SHROOM4: variants seen among roughly 807,000 people sequenced by gnomAD.
The protein encoded by SHROOM4 is shroom family member 4, also known as protein Shroom4.
Under a neutral mutation model 80.3 loss-of-function variants are expected in SHROOM4, and 17 were observed. That is an observed-to-expected ratio of 0.21 (90% CI 0.14 to 0.32). The LOEUF is 0.32. Ranked by LOEUF, SHROOM4 falls within the 10% of genes least tolerant of loss-of-function variation. SHROOM4 has a pLI of 1.00. For synonymous variants in SHROOM4, 400 were observed against 437.5 expected (o/e 0.91, Z 1.07); for missense variants, 993 against 1,140.3 (o/e 0.87, Z 1.86).
At chrX:50,618,345 TTCC>T (rs1930380527) in intron 5 of SHROOM4, among the ~76,000 whole-genome samples, 1 of 10,330 alleles carries the variant, frequency 9.7e-5, no homozygotes, top group African/African-American at 5.5e-4. Context: ...CCTTCCTTCC[TTCC>T]TTCCTTCCTT....
At chrX:50,695,552 T>A (rs1401472497) in intron 2 of SHROOM4, among the ~76,000 whole-genome samples, 1 of 112,237 alleles carries the variant, frequency 8.9e-6, no homozygotes, top group African/African-American at 3.2e-5. Context: ...AAGGAAACAG[T>A]CTTGCAGAGG....
intron 1 of SHROOM4, among the ~76,000 whole-genome samples, chrX:50,786,441 C>A (rs1164235560): frequency 8.9e-6 from 1 of 111,980 alleles, no homozygotes; most frequent in Admixed American, 9.4e-5. Flanking sequence ...GTGTCCCGTG[C>A]TCCAACCTTT....
rs1929680389 is a variant in SHROOM4 at position 50,606,571 on chromosome X, G to A, written c.3761+810C>T. 2.8e-5 allele frequency among the ~76,000 whole-genome samples: 3 copies of A among 108,284 alleles called. No individual in the cohort carries two copies. The Admixed American group carries it at 2.9e-4, about 11-fold the overall frequency. 94.0% of individuals were successfully genotyped at this position (108,284 alleles called of 115,157 possible). ...TAGCAATGATGGTCCTGGGGCTTTT[G>A]CTTTGGAGCAAAAGAAATTAAAAAA... On this transcript the variant is annotated intron_variant, in intron 6 of 8. Coordinates refer to ENST00000376020, the MANE Select transcript of SHROOM4 (RefSeq NM_020717.5).
chrX:50,681,463 G>A (rs1026304660), intron 2 of SHROOM4, among the ~76,000 whole-genome samples: 4 of 110,966 alleles, frequency 3.6e-5, no homozygotes, highest in Admixed American at 2.9e-4. Context: ...AAGAGCTCTT[G>A]TACTTGATAT....
At chrX:50,708,795 TG>T (rs1222375638) in intron 1 of SHROOM4, among the ~76,000 whole-genome samples, 1 of 111,345 alleles carries the variant, frequency 9.0e-6, no homozygotes, top group East Asian at 2.8e-4. Context: ...CCAGGAAGAA[TG>T]GTTTAATATG....
intron 1 of SHROOM4, among the ~76,000 whole-genome samples, chrX:50,704,432 C>A (rs138273360): frequency 0.043 from 4,840 of 111,486 alleles, 279 homozygotes; most frequent in African/African-American, 0.15. Context: ...TTTTAACTTG[C>A]CTACTGAATG....
chrX:50,799,399 A>T (rs142090994), intron 1 of SHROOM4, among the ~76,000 whole-genome samples: 4 of 111,701 alleles, frequency 3.6e-5, no homozygotes, highest in Non-Finnish European at 7.5e-5. Context: ...TCACAGTACT[A>T]CTACTGTGAA....
At chrX:50,717,287 A>G (rs1377093389) in intron 1 of SHROOM4, among the ~76,000 whole-genome samples, 8 of 111,709 alleles carry the variant, frequency 7.2e-5, no homozygotes, top group Middle Eastern at 4.7e-3. Context: ...GTGCGATCTC[A>G]GCTCACTGCA....
At position 50,648,233 on chromosome X, in the gene SHROOM4, C is replaced by A. The variant is rs548653267; in HGVS notation, c.270-9925G>T. ...TTAGAGGTATTTTGAAGAGGTAGGGCTGACAGTATTTGTTGATGGACTGAA... is the reference window on the plus strand; with the variant it reads ...TTAGAGGTATTTTGAAGAGGTAGGGATGACAGTATTTGTTGATGGACTGAA... On this transcript the variant is annotated intron_variant, in intron 2 of 8. Coordinates refer to ENST00000376020, the MANE Select transcript of SHROOM4 (RefSeq NM_020717.5). Among the ~76,000 whole-genome samples, 5 of 111,194 alleles carry A rather than the reference C, an allele frequency of 4.5e-5. No homozygotes were observed. The South Asian group carries it at 1.6e-3, about 35-fold the overall frequency.
downstream of SHROOM4, among the ~76,000 whole-genome samples, chrX:50,585,819 A>G (rs1382567112): frequency 9.4e-6 from 1 of 106,539 alleles, no homozygotes; most frequent in East Asian, 3.0e-4. Flanking sequence ...GATTGCTTCA[A>G]TAACAGACTT....
At chrX:50,802,681 T>C (rs1428273851) in intron 1 of SHROOM4, among the ~76,000 whole-genome samples, 1 of 112,064 alleles carries the variant, frequency 8.9e-6, no homozygotes, top group East Asian at 2.8e-4. Flanking sequence ...CTAGGTGCTT[T>C]ATTCTTGAGA....
intron 1 of SHROOM4, among the ~76,000 whole-genome samples, chrX:50,802,940 T>C (rs1936156415): frequency 8.9e-6 from 1 of 112,278 alleles, no homozygotes; most frequent in Non-Finnish European, 1.9e-5. Context: ...AATATGACAT[T>C]GGGCAAGTCA....
intron 1 of SHROOM4, among the ~76,000 whole-genome samples, chrX:50,713,898 T>C (rs1933883180): frequency 8.9e-6 from 1 of 112,101 alleles, no homozygotes. Context: ...CCCAGACCAA[T>C]GTCCTGAAGA....
intron 5 of SHROOM4, among the ~76,000 whole-genome samples, chrX:50,609,441 A>C (rs1929849085): frequency 9.0e-6 from 1 of 111,366 alleles, no homozygotes; most frequent in South Asian, 3.7e-4. Flanking sequence ...GTATATTATA[A>C]AATAATTGTA....
In SHROOM4 at chrX:50,607,441, C is replaced by G; in HGVS notation, c.3701G>C (p.Cys1234Ser). The G allele has an allele frequency of 8.3e-7, 1 of 1,211,677 alleles. No individual in the cohort carries two copies. Among genetic ancestry groups the G allele is most frequent in the Non-Finnish European group, 1.1e-6 (1 of 895,503 alleles). The change falls in exon 6 of 9, where the codon TGC (cysteine) becomes TCC (serine). Residue 1234 changes from cysteine to serine, a missense_variant. Transcript: ENST00000376020. ...GSQPEQAQPP[C>S]YYGIGGLWRT... ...CCAAAGCCCACCAATGCCATAGTAG[C>G]AAGGGGGCTGAGCCTGCTCAGGTTG...
intron 1 of SHROOM4, among the ~76,000 whole-genome samples, chrX:50,731,998 C>T (rs1027524711): frequency 1.5e-4 from 17 of 111,149 alleles, no homozygotes; most frequent in Non-Finnish European, 2.3e-4. Context: ...TCCTGTGGTC[C>T]GAAAAAAGTA....
Position 50,589,714 on chromosome X carries a change from T to C in SHROOM4, c.*6981A>G, listed in dbSNP as rs1182511634. On this transcript the variant is annotated 3_prime_UTR_variant, in exon 9 of 9. Transcript: ENST00000376020. ...TTGGGTCATTTCCACTTTTTGGCTA[T>C]TATGAGTAATGCCACTTTAAACATT... is the stretch of plus-strand genomic sequence containing the variant. 8.9e-6 allele frequency among the ~76,000 whole-genome samples: 1 copy of C among 112,318 alleles called. No individual in the cohort carries two copies. Among genetic ancestry groups the C allele is most frequent in the Non-Finnish European group, 1.9e-5 (1 of 53,284 alleles).
At chrX:50,685,808 G>A (rs1933057125) in intron 2 of SHROOM4, among the ~76,000 whole-genome samples, 1 of 111,740 alleles carries the variant, frequency 8.9e-6, no homozygotes, top group African/African-American at 3.3e-5. Context: ...GCTTGACTTT[G>A]GCCTTTGTTT....
rs148193691 is a variant in SHROOM4, at chrX:50,693,973, T to G, written c.269+1813A>C. ...CATATGAGTGAGAACATGTAATATT[T>G]GTCTTTCTGGGCCTGCCTTATTTTA... On this transcript the variant is annotated intron_variant, in intron 2 of 8. Transcript: ENST00000376020. 2.1e-3 allele frequency among the ~76,000 whole-genome samples: 236 copies of G among 111,759 alleles called. 1 individual carries two copies. The highest frequency in any genetic ancestry group is 7.4e-3 in the African/African-American group (226 of 30,714).
Sources: gnomAD v4.1 joint callset for allele counts (sites outside exome capture counted in the v4.1 genomes callset) on GRCh38, gnomAD v4.1.1 for gene constraint, MANE v1.5 for transcripts, NCBI Gene and HGNC (gene_info 2026-07-23, HGNC 2026-07-21) for gene names.